The following TENM3 variants were observed in gnomAD, a reference collection of about 807,000 sequenced individuals.
TENM3 encodes the protein teneurin-3.
Under a neutral mutation model 255.1 loss-of-function variants are expected in TENM3, and 63 were observed. That is an observed-to-expected ratio of 0.25 (90% confidence interval 0.20 to 0.30). The LOEUF is 0.30. Among genes scored for constraint, TENM3 ranks in the 10% least tolerant of loss-of-function variants. The pLI is 1.00. For missense variants in TENM3, 2,929 were observed against 3,461.1 expected (o/e 0.85, Z 3.86); for synonymous variants, 1,306 against 1,322.3 (o/e 0.99, Z 0.27).
chr4:181,933,246 G>A, the TENM3 span, among the ~76,000 whole-genome samples: 1 of 152,134 alleles, frequency 6.6e-6, no homozygotes, highest in Non-Finnish European at 1.5e-5. Context: ...CTTGAATTGA[G>A]CTTTAGAAAG....
intron 3 of TENM3, among the ~76,000 whole-genome samples, chr4:182,533,228 A>G (rs1745402053): frequency 6.6e-6 from 1 of 152,174 alleles, no homozygotes; most frequent in African/African-American, 2.4e-5. Context: ...TTACTTTCTT[A>G]TGAATAGGGG....
the TENM3 span, among the ~76,000 whole-genome samples, chr4:181,844,525 G>T: frequency 2.6e-5 from 4 of 151,864 alleles, no homozygotes; most frequent in African/African-American, 9.7e-5. Flanking sequence ...AAAATTAGCC[G>T]GGAGTGGTGG....
intron 1 of TENM3, among the ~76,000 whole-genome samples, chr4:182,182,496 C>T (rs1752903625): frequency 6.6e-6 from 1 of 152,094 alleles, no homozygotes; most frequent in African/African-American, 2.4e-5. Flanking sequence ...GGAGGGTCAC[C>T]TTGGAATGGT....
In TENM3 at chr4:182,531,898, G is replaced by C. The variant is rs930674121; in HGVS notation, c.512-69026G>C. 5.3e-5 allele frequency among the ~76,000 whole-genome samples: 8 copies of C among 152,308 alleles called. 2 individuals are homozygous for C. The East Asian group carries it at 1.5e-3, about 29-fold the overall frequency. ...TAAACATGGTGAGCTGCTCTCATTA[G>C]TCTGAGAATGGTGGGAACCTTCCGG... On this transcript the variant is annotated intron_variant, in intron 3 of 27. Transcript: ENST00000511685.
the TENM3 span, among the ~76,000 whole-genome samples, chr4:181,927,516 G>A: frequency 6.6e-6 from 1 of 152,236 alleles, no homozygotes; most frequent in African/African-American, 2.4e-5. Context: ...AAAGGCAGCA[G>A]CCCCAGTCAG....
chr4:182,212,681 T>C (rs1579744974), intron 1 of TENM3, among the ~76,000 whole-genome samples: 2 of 152,224 alleles, frequency 1.3e-5, no homozygotes, highest in African/African-American at 4.8e-5. Flanking sequence ...TGCGGCTTCC[T>C]AATCCTTTGA....
chr4:182,701,140 T>A (rs193116310), intron 12 of TENM3, among the ~76,000 whole-genome samples: 1 of 150,842 alleles, frequency 6.6e-6, no homozygotes, highest in Admixed American at 6.6e-5. Flanking sequence ...ACATAAGGTA[T>A]TCATTAATGA....
At chr4:182,529,064 A>G in intron 3 of TENM3, among the ~76,000 whole-genome samples, 1 of 152,248 alleles carries the variant, frequency 6.6e-6, no homozygotes, top group African/African-American at 2.4e-5. Context: ...TATGCTTGCG[A>G]CAAACTCACT....
chr4:182,568,738 G>T (rs1475545885), intron 3 of TENM3, among the ~76,000 whole-genome samples: 1 of 152,216 alleles, frequency 6.6e-6, no homozygotes, highest in Non-Finnish European at 1.5e-5. Flanking sequence ...CAACTCTGAT[G>T]TCCATCAGTA....
chr4:181,721,344 G>A, the TENM3 span, among the ~76,000 whole-genome samples: 1 of 151,486 alleles, frequency 6.6e-6, no homozygotes, highest in Non-Finnish European at 1.5e-5. Flanking sequence ...ACCTCCACAT[G>A]ATCAAATTTA....
At chr4:182,284,141 C>T (rs1580010165) in intron 1 of TENM3, among the ~76,000 whole-genome samples, 2 of 152,186 alleles carry the variant, frequency 1.3e-5, no homozygotes, top group Non-Finnish European at 1.5e-5. Context: ...AATAATTGAA[C>T]ACTTCAGGTT....
At chr4:182,297,285 T>C (rs983543861) in intron 1 of TENM3, among the ~76,000 whole-genome samples, 8 of 152,186 alleles carry the variant, frequency 5.3e-5, no homozygotes, top group Admixed American at 5.2e-4. Flanking sequence ...ACACTGTCAC[T>C]TGCATAGTTG....
chr4:181,610,060 G>T, the TENM3 span, among the ~76,000 whole-genome samples: 1 of 152,168 alleles, frequency 6.6e-6, no homozygotes, highest in African/African-American at 2.4e-5. Context: ...TACAGAGTTT[G>T]CAATTTATTA....
At chr4:182,523,836 G>A (rs1738838759) in intron 3 of TENM3, among the ~76,000 whole-genome samples, 1 of 62,644 alleles carries the variant, frequency 1.6e-5, no homozygotes. Context: ...TATTATTTCG[G>A]AGAGACAAAT....
At chr4:182,108,948 T>G in the TENM3 span, among the ~76,000 whole-genome samples, 1 of 152,066 alleles carries the variant, frequency 6.6e-6, no homozygotes, top group African/African-American at 2.4e-5. Flanking sequence ...CTGAAAGTAT[T>G]TTATTATCTA....
At chr4:181,871,389 T>C in the TENM3 span, among the ~76,000 whole-genome samples, 1 of 152,004 alleles carries the variant, frequency 6.6e-6, no homozygotes, top group Non-Finnish European at 1.5e-5. Flanking sequence ...ATATGGTAAC[T>C]CTCTCCTTTT....
At chr4:182,331,355 G>A (rs1763744382) in intron 2 of TENM3, among the ~76,000 whole-genome samples, 1 of 152,110 alleles carries the variant, frequency 6.6e-6, no homozygotes, top group African/African-American at 2.4e-5. Context: ...AGACCAGCCT[G>A]GCCAACATGC....
At chr4:181,765,011 A>G in the TENM3 span, among the ~76,000 whole-genome samples, 2 of 152,186 alleles carry the variant, frequency 1.3e-5, no homozygotes, top group Non-Finnish European at 2.9e-5. Flanking sequence ...GACTTTGAAC[A>G]TAATCCAGAA....
At chr4:182,151,993 A>G (rs1168557298) in intron 1 of TENM3, among the ~76,000 whole-genome samples, 6 of 152,044 alleles carry the variant, frequency 3.9e-5, no homozygotes, top group Non-Finnish European at 8.8e-5. Context: ...GAATTTTATG[A>G]TGGTATCAGT....
Sources: gnomAD v4.1 joint callset for allele counts (sites outside exome capture counted in the v4.1 genomes callset) on GRCh38, gnomAD v4.1.1 for gene constraint, MANE v1.5 for transcripts, NCBI Gene and HGNC (gene_info 2026-07-23, HGNC 2026-07-21) for gene names.